CRYBB2: variants seen among roughly 807,000 people sequenced by gnomAD.
The protein encoded by CRYBB2 is crystallin beta B2.
CRYBB2 carries 12 observed loss-of-function variants against 24.3 expected under a neutral mutation model. The ratio of observed to expected loss-of-function variants is 0.49; its 90% CI spans 0.32 to 0.80. CRYBB2 has a LOEUF of 0.80. Among genes scored for constraint, CRYBB2 ranks in the 30% least tolerant of loss-of-function variants. The pLI is 0.04. For missense variants in CRYBB2, 198 were observed against 268.5 expected (o/e 0.74, Z 1.83); for synonymous variants, 98 against 101.6 (o/e 0.96, Z 0.21).
chr22:25,229,056 C>CAT (rs1935482005), intron 4 of CRYBB2, among the ~76,000 whole-genome samples: 1 of 97,872 alleles, frequency 1.0e-5, no homozygotes, highest in Non-Finnish European at 2.2e-5. Context: ...GTGTGGTGTG[C>CAT]GTGTGTGCAT....
At chr22:25,218,793 A>AGAAAG (rs1002314159), upstream of CRYBB2, among the ~76,000 whole-genome samples, 3 of 110,992 alleles carry the variant, frequency 2.7e-5, no homozygotes, top group Non-Finnish European at 5.4e-5. Flanking sequence ...AAAGAAAGAA[A>AGAAAG]GAAAGAAAGA....
chr22:25,231,585 A>C lies in CRYBB2; in HGVS notation c.450-19A>C, dbSNP rs137852879. Reference sequence around the variant, plus strand: ...TCCTGTCCCCCTCGTTCACCCTCCCATCACCTCTGGCCCTGCAGGTGGGTT... The same window carrying C: ...TCCTGTCCCCCTCGTTCACCCTCCCCTCACCTCTGGCCCTGCAGGTGGGTT... On this transcript the variant is annotated intron_variant, in intron 5 of 5. Coordinates refer to ENST00000398215, the MANE Select transcript of CRYBB2 (RefSeq NM_000496.3). The C allele has an allele frequency of 1.5e-4, 242 of 1,613,348 alleles. No individual in the cohort carries two copies. The highest frequency in any genetic ancestry group is 1.0e-3 in the East Asian group (45 of 44,862).
At position 25,227,947 on chromosome 22, in the gene CRYBB2, A is replaced by G; in HGVS notation, c.268A>G (p.Arg90Gly). Residue 90 changes from arginine to glycine, a missense_variant, in exon 4 of 6, where the codon AGG becomes GGG. Arg to Gly is a moderately radical substitution (Grantham distance 125). Coordinates refer to ENST00000398215, the MANE Select transcript of CRYBB2 (RefSeq NM_000496.3). ...CTGGGACTCATGGACCAGCAGCCGA[A>G]GGACGGACTCCCTCAGCTCCCTGAG... is the stretch of plus-strand genomic sequence containing the variant. The part of the protein sequence containing the change: ...PRWDSWTSSR[R>G]TDSLSSLRPI... 2 of 1,614,164 alleles carry G rather than the reference A, an allele frequency of 1.2e-6. No individual in the cohort carries two copies. The highest frequency in any genetic ancestry group is 1.7e-6 in the Non-Finnish European group (2 of 1,180,032).
At chr22:25,216,785 C>T (rs893321865), upstream of CRYBB2, among the ~76,000 whole-genome samples, 2 of 152,154 alleles carry the variant, frequency 1.3e-5, no homozygotes, top group Admixed American at 6.5e-5. Flanking sequence ...CTCCCCATTC[C>T]CCGCTCCTCC....
At chr22:25,229,090 G>T (rs201044989) in intron 4 of CRYBB2, among the ~76,000 whole-genome samples, 15 of 145,568 alleles carry the variant, frequency 1.0e-4, no homozygotes, top group African/African-American at 3.6e-4. Flanking sequence ...CACATGTGTG[G>T]GTGTGCATGT....
Position 25,221,256 on chromosome 22 carries a change from T to C in CRYBB2, c.-26-148T>C, listed in dbSNP as rs1187798084. The C allele has an allele frequency of 4.6e-6, 3 of 648,342 alleles. No individual in the cohort carries two copies. The African/African-American group carries it at 5.4e-5, about 12-fold the overall frequency. The allele number at this position is 648,342 out of a possible 1,614,324, so 40.2% of individuals were successfully genotyped here. A position where few individuals can be genotyped will look rare whatever the true frequency, so the allele number is the denominator to read the frequency against. ...AGCTAAGGACAGAAGTTGAAGTAGC[T>C]GCTTACGGACCCCACAGCTCTGGGA... On this transcript the variant is annotated intron_variant, in intron 1 of 5. Coordinates refer to ENST00000398215, the MANE Select transcript of CRYBB2 (RefSeq NM_000496.3).
At position 25,230,284 on chromosome 22, in the gene CRYBB2, G is replaced by A. The variant is rs542957791; in HGVS notation, c.449+706G>A. 1.4e-4 allele frequency among the ~76,000 whole-genome samples: 21 copies of A among 149,502 alleles called. 2 individuals carry two copies. The South Asian group carries it at 3.9e-3, about 28-fold the overall frequency. On this transcript the variant is annotated intron_variant, in intron 5 of 5. Transcript: ENST00000398215. ...CGATTCTCCTGCCTTATCCTCCCAA[G>A]TAGCTGGGATTACAGGCGCCCACCA...
chr22:25,223,996 C>T (rs536578753), intron 2 of CRYBB2, among the ~76,000 whole-genome samples: 21 of 151,750 alleles, frequency 1.4e-4, no homozygotes, highest in Admixed American at 1.2e-3. Context: ...TGGTGGCAGG[C>T]GCCTGTAGTC....
At chr22:25,214,005 C>T (rs536657771) in intron 1 of CRYBB2, among the ~76,000 whole-genome samples, 1 of 152,302 alleles carries the variant, frequency 6.6e-6, no homozygotes, top group African/African-American at 2.4e-5. Flanking sequence ...CGACCTAGCT[C>T]ATTGGCTAGA....
Position 25,225,855 on chromosome 22 carries a change from C to G in CRYBB2, c.173+819C>G, listed in dbSNP as rs777424565. ...CAGCTAAAGCAGTGGCCCTGCCAAG[C>G]CTTGGTCATCTGACATGCTCAGGGA... On this transcript the variant is annotated intron_variant, in intron 3 of 5. Coordinates refer to ENST00000398215, the MANE Select transcript of CRYBB2 (RefSeq NM_000496.3). Among the ~76,000 whole-genome samples, 79 of 152,170 alleles carry G rather than the reference C, an allele frequency of 5.2e-4. 2 individuals carry two copies. Among genetic ancestry groups the G allele is most frequent in the Admixed American group, 6.5e-5 (1 of 15,270 alleles).
At chr22:25,218,779 G>GAGAGAGAAAGAAAGAAAGAAA (rs1935251085), upstream of CRYBB2, among the ~76,000 whole-genome samples, 15 of 34,530 alleles carry the variant, frequency 4.3e-4, 1 homozygote, top group South Asian at 1.2e-3. Flanking sequence ...GAGAGAGAGA[G>GAGAGAGAAAGAAAGAAAGAAA]AAGAAAGAAA....
At chr22:25,225,490 C>T (rs1017593800) in intron 3 of CRYBB2, among the ~76,000 whole-genome samples, 12 of 152,008 alleles carry the variant, frequency 7.9e-5, no homozygotes, top group Non-Finnish European at 1.6e-4. Flanking sequence ...CTCCTCCCTT[C>T]CCGAATCCTG....
At chr22:25,226,726 T>C (rs1454774265) in intron 3 of CRYBB2, among the ~76,000 whole-genome samples, 1 of 152,086 alleles carries the variant, frequency 6.6e-6, no homozygotes, top group Non-Finnish European at 1.5e-5. Context: ...CAGGCTGGAG[T>C]TCAATGGTGC....
At chr22:25,213,097 TTTA>T (rs1935126327) in intron 1 of CRYBB2, among the ~76,000 whole-genome samples, 1 of 152,168 alleles carries the variant, frequency 6.6e-6, no homozygotes, top group Admixed American at 6.5e-5. Flanking sequence ...GTTAGGACAT[TTTA>T]TTATTAATTT....
At position 25,231,321 on chromosome 22, in the gene CRYBB2, CCAGTACAGTACAGTA is replaced by C. The variant is rs11277566; in HGVS notation, c.450-264_450-250del. 0.3 allele frequency among the ~76,000 whole-genome samples: 44,979 copies of C among 149,040 alleles called. 7,691 individuals carry two copies. The highest frequency in any genetic ancestry group is 0.46 in the African/African-American group (18,499 of 40,548). On this transcript the variant is annotated intron_variant, in intron 5 of 5. Transcript: ENST00000398215. Reference sequence around the variant, plus strand: ...AAGATATCACCCCCTTGCTCTGACCCCAGTACAGTACAGTACAGTACAGTACAGTACAGGCCTTCA... The same window carrying C: ...AAGATATCACCCCCTTGCTCTGACCCCAGTACAGTACAGTACAGGCCTTCA...
At chr22:25,221,154 G>C (rs950763140) in intron 1 of CRYBB2, among the ~76,000 whole-genome samples, 2 of 152,192 alleles carry the variant, frequency 1.3e-5, no homozygotes, top group Non-Finnish European at 2.9e-5. Flanking sequence ...TTAAGCTCTA[G>C]TTTATTACTG....
At chr22:25,216,528 C>T (rs1293210509), upstream of CRYBB2, among the ~76,000 whole-genome samples, 4 of 152,212 alleles carry the variant, frequency 2.6e-5, no homozygotes, top group Non-Finnish European at 5.9e-5. Flanking sequence ...CACCTAGAAC[C>T]CCTGGAGCAG....
At chr22:25,212,694 C>T (rs1021754600) in exon 1 of CRYBB2, 14 of 152,268 alleles carry the variant, frequency 9.2e-5, no homozygotes, top group Admixed American at 9.2e-4. Context: ...CCAGCATCCA[C>T]ATGCCTATGT....
chr22:25,228,013 C>G (rs1304649630), intron 4 of CRYBB2, 28 bp downstream of exon 4: 8 of 1,613,906 alleles, frequency 5.0e-6, no homozygotes, highest in Non-Finnish European at 5.9e-6. Flanking sequence ...ACCCTACTCC[C>G]TCTCTCTGCC....
Sources: allele counts gnomAD v4.1 joint callset (sites outside exome capture counted in the v4.1 genomes callset), GRCh38; gene constraint gnomAD v4.1.1; transcripts MANE v1.5; gene names NCBI Gene and HGNC (gene_info 2026-07-23, HGNC 2026-07-21).